The following MVB12B variants were observed in gnomAD, a reference collection of about 807,000 sequenced individuals.
MVB12B encodes the protein multivesicular body subunit 12B.
MVB12B carries 16 observed loss-of-function variants against 41.6 expected under a neutral mutation model. The observed-to-expected ratio is 0.38, with a 90% CI of 0.26 to 0.58. The LOEUF (loss-of-function observed/expected upper bound fraction) is 0.58, where lower values mean the gene tolerates loss of function less well. MVB12B is among the 20% of genes least tolerant of loss of function. MVB12B has a pLI of 0.62. For synonymous variants in MVB12B, 133 were observed against 139.7 expected, an observed-to-expected ratio of 0.95 and a Z score of 0.34; for missense variants, 274 against 380.2, an observed-to-expected ratio of 0.72 and a Z score of 2.32.
chr9:126,454,940 C>G (rs1343794390), intron 7 of MVB12B, among the ~76,000 whole-genome samples: 1 of 152,112 alleles, frequency 6.6e-6, no homozygotes, highest in Non-Finnish European at 1.5e-5. Flanking sequence ...TCTTCCCTTC[C>G]CTCCTGTGAG....
chr9:126,386,432 A>G lies in MVB12B; in HGVS notation c.313-130A>G. 1.6e-6 allele frequency: 1 copy of G among 639,844 alleles called. No homozygotes were observed. The highest frequency in any genetic ancestry group is 2.8e-5 in the East Asian group (1 of 35,452). The allele number at this position is 639,844 out of a possible 1,614,324, so 39.6% of individuals were successfully genotyped here. On this transcript the variant is annotated intron_variant, in intron 3 of 9. Coordinates refer to ENST00000361171, the MANE Select transcript of MVB12B (RefSeq NM_033446.3). The surrounding 1 kb of genome is among the most constrained non-coding windows in gnomAD (Gnocchi z 4.3). ...CACTGGGGACCATTAAGTGTCACCT[A>G]CTCTAATTAACCTGCTGTCATAAAG...
At chr9:126,411,804 G>A (rs537599573) in intron 6 of MVB12B, among the ~76,000 whole-genome samples, 4 of 152,238 alleles carry the variant, frequency 2.6e-5, no homozygotes, top group South Asian at 2.1e-4. Context: ...CTGTTTTAGC[G>A]GAAACAAGTT....
chr9:126,478,447 G>A lies in MVB12B; in HGVS notation c.758-2922G>A, dbSNP rs543921534. Reference sequence around the variant, plus strand: ...GGGACCTGGAATGCAGAGGTGACTCGCACATGCACCTACAATAAGAGGAGA... The same window carrying A: ...GGGACCTGGAATGCAGAGGTGACTCACACATGCACCTACAATAAGAGGAGA... On this transcript the variant is annotated intron_variant, in intron 7 of 9. Transcript: ENST00000361171. This position sits in a 1 kb window ranked among gnomAD's most constrained non-coding sequence, Gnocchi z 4.2. 3.9e-5 allele frequency among the ~76,000 whole-genome samples: 6 copies of A among 152,256 alleles called. No homozygotes were observed. The highest frequency in any genetic ancestry group is 1.4e-4 in the African/African-American group (6 of 41,540).
chr9:126,355,873 C>T (rs1829866629), intron 2 of MVB12B, among the ~76,000 whole-genome samples: 1 of 152,152 alleles, frequency 6.6e-6, no homozygotes, highest in African/African-American at 2.4e-5. Flanking sequence ...CAACCACCAC[C>T]TCTATCTAGT....
At chr9:126,371,339 C>G (rs1830331627) in intron 2 of MVB12B, among the ~76,000 whole-genome samples, 1 of 152,252 alleles carries the variant, frequency 6.6e-6, no homozygotes, top group Non-Finnish European at 1.5e-5. Flanking sequence ...GACGTACCTG[C>G]TGCGATGCGG....
chr9:126,327,546 C>A (rs1414498544), intron 1 of MVB12B, among the ~76,000 whole-genome samples: 1 of 152,128 alleles, frequency 6.6e-6, no homozygotes, highest in African/African-American at 2.4e-5. Flanking sequence ...TACCCGAGAC[C>A]CAGAGCACCC....
At chr9:126,336,224 C>T (rs1206013052) in intron 1 of MVB12B, among the ~76,000 whole-genome samples, 2 of 152,224 alleles carry the variant, frequency 1.3e-5, no homozygotes, top group Non-Finnish European at 2.9e-5. Flanking sequence ...GTTGATAAAA[C>T]GAGATAAACC....
At position 126,395,968 on chromosome 9, in the gene MVB12B, A is replaced by G. The variant is rs180968665; in HGVS notation, c.662+271A>G. 3.4e-3 allele frequency: 4,331 copies of G among 1,262,428 alleles called. 13 individuals are homozygous for G. The highest frequency in any genetic ancestry group is 3.8e-3 in the Non-Finnish European group (3,796 of 999,524). 78.2% of individuals were successfully genotyped at this position (1,262,428 alleles called of 1,614,324 possible). On this transcript the variant is annotated intron_variant, in intron 6 of 9. Transcript: ENST00000361171. The surrounding 1 kb of genome is among the most constrained non-coding windows in gnomAD (Gnocchi z 4.9). ...CAACTTAAAATTGGCTCCCTATTCA[A>G]AAGAGCTGCTAGCTACACACAGACA...
At position 126,398,074 on chromosome 9, in the gene MVB12B, G is replaced by T. The variant is rs1168614969; in HGVS notation, c.662+2377G>T. On this transcript the variant is annotated intron_variant, in intron 6 of 9. Transcript: ENST00000361171. ...GCGCTGGCAGCCTCCTCCTCCCCTGGCTTCTGCGCCTTTGCTCCCGGTGCT... is the reference window on the plus strand; with the variant it reads ...GCGCTGGCAGCCTCCTCCTCCCCTGTCTTCTGCGCCTTTGCTCCCGGTGCT... Among the ~76,000 whole-genome samples the T allele has an allele frequency of 2.0e-5, 3 of 152,088 alleles. No individual in the cohort carries two copies. In the East Asian group the frequency reaches 5.8e-4, roughly 29 times the overall value.
chr9:126,471,235 A>C (rs570656048), intron 7 of MVB12B, among the ~76,000 whole-genome samples: 2 of 152,316 alleles, frequency 1.3e-5, no homozygotes, highest in African/African-American at 4.8e-5. Flanking sequence ...CTGATCCCTC[A>C]GCGGTGCTGC....
At chr9:126,483,327 C>T (rs1183403432) in intron 8 of MVB12B, among the ~76,000 whole-genome samples, 1 of 152,216 alleles carries the variant, frequency 6.6e-6, no homozygotes, top group African/African-American at 2.4e-5. Context: ...GAAAAGCCAG[C>T]ATTTTTTTAA....
At chr9:126,482,809 C>T (rs1284287261) in intron 8 of MVB12B, among the ~76,000 whole-genome samples, 1 of 152,278 alleles carries the variant, frequency 6.6e-6, no homozygotes, top group Non-Finnish European at 1.5e-5. Flanking sequence ...GCTGCCACCT[C>T]GGCCAGGGCT....
intron 1 of MVB12B, among the ~76,000 whole-genome samples, chr9:126,336,562 C>T (rs545424989): frequency 3.3e-5 from 5 of 152,328 alleles, no homozygotes; most frequent in South Asian, 2.1e-4. Context: ...CCTCCCCAAG[C>T]GCTATCTGCA....
intron 6 of MVB12B, among the ~76,000 whole-genome samples, chr9:126,406,570 A>G (rs544633533): frequency 6.6e-6 from 1 of 152,206 alleles, no homozygotes; most frequent in Non-Finnish European, 1.5e-5. Context: ...AGCAGTGCCC[A>G]TATGTTCCTT....
At chr9:126,352,216 G>C (rs1829771315) in intron 2 of MVB12B, among the ~76,000 whole-genome samples, 1 of 152,156 alleles carries the variant, frequency 6.6e-6, no homozygotes, top group African/African-American at 2.4e-5. Context: ...TATACTGTCT[G>C]TCTGGCTTGG....
In MVB12B at chr9:126,340,940, C is replaced by A. The variant is rs1829429026; in HGVS notation, c.204+310C>A. 6.6e-6 allele frequency among the ~76,000 whole-genome samples: 1 copy of A among 152,178 alleles called. No homozygotes were observed. On this transcript the variant is annotated intron_variant, in intron 2 of 9. Coordinates refer to ENST00000361171, the MANE Select transcript of MVB12B (RefSeq NM_033446.3). The surrounding 1 kb of genome is among the most constrained non-coding windows in gnomAD (Gnocchi z 4.0). ...AGGATCCAGAGTCTATGAACGACTC[C>A]TGGTGGTTTTCATATATTGTCATGC...
intron 4 of MVB12B, among the ~76,000 whole-genome samples, chr9:126,388,149 C>A (rs1264886318): frequency 1.3e-5 from 2 of 152,132 alleles, no homozygotes; most frequent in African/African-American, 2.4e-5. Context: ...CAGGATATCA[C>A]CCCTGTACCC....
Position 126,334,088 on chromosome 9 carries a change from A to G in MVB12B, c.82-6420A>G, listed in dbSNP as rs184626256. ...TCTTCTGGTGATTTTTGCACATGCT[A>G]AAGTTGGATAACTCCCACTCCAGAA... On this transcript the variant is annotated intron_variant, in intron 1 of 9. Transcript: ENST00000361171. 1.4e-4 allele frequency among the ~76,000 whole-genome samples: 22 copies of G among 152,310 alleles called. No individual in the cohort carries two copies. The East Asian group carries it at 3.7e-3, about 25-fold the overall frequency.
intron 2 of MVB12B, among the ~76,000 whole-genome samples, chr9:126,363,634 G>A (rs1192154645): frequency 2.0e-5 from 3 of 152,176 alleles, no homozygotes; most frequent in South Asian, 2.1e-4. Flanking sequence ...AGGCAAATTC[G>A]TTGTTTTACT....
Sources: gnomAD v4.1 joint callset for allele counts (sites outside exome capture counted in the v4.1 genomes callset) on GRCh38, gnomAD v4.1.1 for gene constraint, Gnocchi (gnomAD v3.1) non-coding constraint, MANE v1.5 for transcripts, NCBI Gene and HGNC (gene_info 2026-07-23, HGNC 2026-07-21) for gene names.